SYNE2: variants seen among roughly 807,000 people sequenced by gnomAD.
The protein encoded by SYNE2 is nesprin-2.
In SYNE2, 431 loss-of-function variants were observed where a neutral mutation model predicts 856.3. The observed-to-expected ratio is 0.50, with a 90% CI of 0.47 to 0.55. SYNE2 has a LOEUF of 0.55. Among genes scored for constraint, SYNE2 ranks in the 20% least tolerant of loss-of-function variants. The pLI is 0.00. For synonymous variants in SYNE2, 2,923 were observed against 2,872.3 expected (o/e 1.02, Z -0.56); for missense variants, 8,129 against 8,023.2 (o/e 1.01, Z -0.50).
At chr14:63,947,633 C>T (rs778932317) in intron 6 of SYNE2, among the ~76,000 whole-genome samples, 8 of 151,838 alleles carry the variant, frequency 5.3e-5, no homozygotes, top group Non-Finnish European at 1.2e-4. Context: ...GTTGGGAGTT[C>T]GAGACCAACC....
chr14:64,158,014 C>CTT (rs1387718063), intron 85 of SYNE2, among the ~76,000 whole-genome samples: 1 of 152,136 alleles, frequency 6.6e-6, no homozygotes, highest in Non-Finnish European at 1.5e-5. Flanking sequence ...AATGCTTGGA[C>CTT]TTTTTTCATC....
chr14:63,944,541 T>TG (rs2095988401), intron 6 of SYNE2, among the ~76,000 whole-genome samples: 1 of 144,168 alleles, frequency 6.9e-6, no homozygotes, highest in Non-Finnish European at 1.5e-5. Flanking sequence ...TTTTTTTTTT[T>TG]GAGACAGAGT....
chr14:63,971,050 T>G (rs2096468659), intron 11 of SYNE2, among the ~76,000 whole-genome samples: 1 of 151,982 alleles, frequency 6.6e-6, no homozygotes, highest in African/African-American at 2.4e-5. Context: ...TCCTATCATG[T>G]TTTTAGTGGT....
At chr14:64,006,932 T>C (rs2096800763) in intron 30 of SYNE2, 111 bp from the exon 31 acceptor site, 1 of 836,584 alleles carries the variant, frequency 1.2e-6, no homozygotes, top group African/African-American at 1.7e-5. Flanking sequence ...ATTTTGGCAT[T>C]AACCACATGA....
intron 30 of SYNE2, 26 bp downstream of exon 30, chr14:64,003,356 C>CTTTCTGTATTTT: frequency 2.5e-6 from 4 of 1,613,700 alleles, no homozygotes; most frequent in Non-Finnish European, 3.4e-6. Context: ...CCATTTCCAT[C>CTTTCTGTATTTT]CAAGGTGACT....
At chr14:64,146,556 A>G (rs1040518689) in intron 84 of SYNE2, among the ~76,000 whole-genome samples, 6 of 152,252 alleles carry the variant, frequency 3.9e-5, no homozygotes, top group Non-Finnish European at 7.3e-5. Context: ...GCCTAATGTT[A>G]CAAAATTACT....
chr14:64,177,322 A>T, intron 95 of SYNE2, 36 bp from the exon 96 acceptor site: 1 of 1,613,690 alleles, frequency 6.2e-7, no homozygotes. Flanking sequence ...TCTAAAGAGC[A>T]AAATACTTAC....
intron 11 of SYNE2, among the ~76,000 whole-genome samples, chr14:63,973,122 G>GA (rs1374273094): frequency 6.6e-6 from 1 of 151,996 alleles, no homozygotes; most frequent in African/African-American, 2.4e-5. Context: ...CAAGCATGGT[G>GA]GCACACACCT....
intron 67 of SYNE2, among the ~76,000 whole-genome samples, chr14:64,120,216 A>G (rs1007151733): frequency 6.6e-6 from 1 of 152,196 alleles, no homozygotes; most frequent in African/African-American, 2.4e-5. Context: ...CTGCAGATAC[A>G]TAGGCCATAT....
At chr14:64,122,548 C>A in intron 70 of SYNE2, 121 bp downstream of exon 70, 1 of 1,327,282 alleles carries the variant, frequency 7.5e-7, no homozygotes, top group Non-Finnish European at 1.1e-6. Flanking sequence ...TTTTACTTGG[C>A]TGATACATTT....
chr14:63,932,148 G>C (rs1362445143), intron 2 of SYNE2, among the ~76,000 whole-genome samples: 1 of 152,174 alleles, frequency 6.6e-6, no homozygotes, highest in Non-Finnish European at 1.5e-5. Context: ...GGCCAAGGCA[G>C]GTGGAGCACC....
At chr14:63,821,161 C>T (rs1209334959) in intron 1 of SYNE2, among the ~76,000 whole-genome samples, 2 of 151,774 alleles carry the variant, frequency 1.3e-5, no homozygotes, top group Non-Finnish European at 2.9e-5. Context: ...TTATTGTATA[C>T]CAGGTAAACT....
At chr14:63,828,977 A>T (rs536297338) in intron 1 of SYNE2, among the ~76,000 whole-genome samples, 68 of 152,224 alleles carry the variant, frequency 4.5e-4, no homozygotes, top group Non-Finnish European at 8.4e-4. Context: ...CTCCAATGAG[A>T]TGCCACTTAC....
chr14:64,055,478 T>C (rs953621142), intron 48 of SYNE2, among the ~76,000 whole-genome samples: 1 of 151,518 alleles, frequency 6.6e-6, no homozygotes, highest in African/African-American at 2.4e-5. Context: ...ACACGATTCT[T>C]CTGCCTCAGC....
At chr14:64,150,732 A>AATATTAAAGTGTTTTC (rs2098234573) in intron 84 of SYNE2, among the ~76,000 whole-genome samples, 1 of 152,238 alleles carries the variant, frequency 6.6e-6, no homozygotes, top group South Asian at 2.1e-4. Flanking sequence ...AAAGTGATTT[A>AATATTAAAGTGTTTTC]ATATTAAAGT....
chr14:64,148,171 C>T (rs1042231933), intron 84 of SYNE2, among the ~76,000 whole-genome samples: 3 of 151,974 alleles, frequency 2.0e-5, no homozygotes, highest in East Asian at 1.9e-4. Flanking sequence ...AAAAATTAGC[C>T]GGGCATGGTG....
Position 64,000,670 on chromosome 14 carries a change from G to C in SYNE2, c.3589G>C (p.Asp1197His). 2 of 1,613,528 alleles carry C rather than the reference G, an allele frequency of 1.2e-6. No homozygotes were observed. The highest frequency in any genetic ancestry group is 1.7e-6 in the Non-Finnish European group (2 of 1,179,754). ...IKKPFVIKER[D>H]TLKERERELQ... ...AAAGCCTTTTGTAATTAAGGAAAGA[G>C]ACACACTAAAGGAAAGAGAAAGAGA... Residue 1197 changes from aspartate (D) to histidine (H), a missense_variant, in exon 28 of 116, where the codon GAC becomes CAC. Transcript: ENST00000555002.
At chr14:63,887,680 A>G (rs1050396334) in intron 1 of SYNE2, among the ~76,000 whole-genome samples, 2 of 149,142 alleles carry the variant, frequency 1.3e-5, no homozygotes, top group Admixed American at 1.3e-4. Context: ...CATTCCTAGT[A>G]TTTGAAATAT....
chr14:64,172,453 T>G (rs2738412), intron 94 of SYNE2, among the ~76,000 whole-genome samples: 148,511 of 152,240 alleles, frequency 0.98, 72,472 homozygotes, highest in East Asian at 1. Flanking sequence ...CATTCTCTGT[T>G]GTGTTACCAC....
Sources: allele counts gnomAD v4.1 joint callset (sites outside exome capture counted in the v4.1 genomes callset), GRCh38; gene constraint gnomAD v4.1.1; transcripts MANE v1.5; gene names NCBI Gene and HGNC (gene_info 2026-07-23, HGNC 2026-07-21).